SLC38A6: variants seen among roughly 807,000 people sequenced by gnomAD.
SLC38A6 encodes the protein solute carrier family 38 member 6.
SLC38A6 carries 73 observed loss-of-function variants against 65.0 expected under a neutral mutation model. The ratio of observed to expected loss-of-function variants is 1.12; its 90% CI spans 0.93 to 1.37. The LOEUF (loss-of-function observed/expected upper bound fraction) is 1.37, where lower values mean the gene tolerates loss of function less well. Ranked by LOEUF, SLC38A6 falls within the 40% of genes most tolerant of loss-of-function variation. The probability of loss-of-function intolerance (pLI) is 0.00; values close to 1 mark genes in which losing one functional copy is unlikely to be tolerated. For missense variants in SLC38A6, 561 were observed against 531.1 expected, an observed-to-expected ratio of 1.06 and a Z score of -0.55; for synonymous variants, 183 against 178.8, an observed-to-expected ratio of 1.02 and a Z score of -0.19.
At chr14:60,981,407 C>T (rs112283719) in intron 1 of SLC38A6, 25 bp downstream of exon 1, 1 of 1,564,716 alleles carries the variant, frequency 6.4e-7, no homozygotes. Flanking sequence ...TTCGCTTCCC[C>T]GCGCTGACGC....
chr14:61,016,446 A>G (rs2139548316), intron 4 of SLC38A6, among the ~76,000 whole-genome samples: 1 of 152,304 alleles, frequency 6.6e-6, no homozygotes, highest in South Asian at 2.1e-4. Flanking sequence ...TAAGGACCAG[A>G]GAAATTAAGG....
chr14:61,015,164 C>A (rs554956383), intron 3 of SLC38A6, among the ~76,000 whole-genome samples: 1 of 152,324 alleles, frequency 6.6e-6, no homozygotes, highest in African/African-American at 2.4e-5. Flanking sequence ...GCTCCGTGGG[C>A]ATAGGACCCT....
Position 61,051,380 on chromosome 14 carries a change from A to T in SLC38A6, c.1051-407A>T, listed in dbSNP as rs369887369. 2.6e-5 allele frequency among the ~76,000 whole-genome samples: 4 copies of T among 152,300 alleles called. No individual in the cohort carries two copies. In the East Asian group the frequency reaches 7.7e-4, roughly 29 times the overall value. On this transcript the variant is annotated intron_variant, in intron 13 of 15. Coordinates refer to ENST00000267488, the MANE Select transcript of SLC38A6 (RefSeq NM_153811.3). ...TTTTCATATTTACAGGCTGTGAAAC[A>T]TATAAAATAAAATAGTAAGTGGTAT...
At chr14:61,081,998 C>T (rs144486065) in intron 16 of SLC38A6, among the ~76,000 whole-genome samples, 3 of 152,174 alleles carry the variant, frequency 2.0e-5, no homozygotes, top group African/African-American at 7.2e-5. Flanking sequence ...CATGGGAGTG[C>T]ACAGCAGTGC....
At chr14:61,015,415 G>A (rs559213677) in intron 3 of SLC38A6, among the ~76,000 whole-genome samples, 42 of 152,110 alleles carry the variant, frequency 2.8e-4, no homozygotes, top group Non-Finnish European at 5.0e-4. Flanking sequence ...ACACTCCCCA[G>A]TGAGATGAAC....
intron 1 of SLC38A6, 136 bp downstream of exon 1, chr14:60,981,518 T>A: frequency 1.3e-6 from 2 of 1,533,764 alleles, no homozygotes; most frequent in East Asian, 2.5e-5. Flanking sequence ...GGATGGGGTC[T>A]GAAGGCAGCC....
chr14:61,043,288 T>C (rs1212030119), intron 9 of SLC38A6, 76 bp downstream of exon 9: 3 of 1,157,840 alleles, frequency 2.6e-6, no homozygotes, highest in Non-Finnish European at 3.7e-6. Flanking sequence ...AATGATTCTT[T>C]TCTGATTGAT....
intron 10 of SLC38A6, among the ~76,000 whole-genome samples, chr14:61,044,135 T>A (rs1048472406): frequency 6.6e-6 from 1 of 152,160 alleles, no homozygotes; most frequent in East Asian, 1.9e-4. Context: ...CTAGAAGAGC[T>A]CAAAGTCTTC....
intron 3 of SLC38A6, among the ~76,000 whole-genome samples, chr14:61,000,121 A>G (rs779688108): frequency 5.3e-5 from 8 of 152,244 alleles, no homozygotes; most frequent in Admixed American, 1.3e-4. Context: ...TCTTTTCTGC[A>G]TTTACATGGT....
chr14:60,987,724 C>T (rs1181567029), intron 3 of SLC38A6: 2 of 152,338 alleles, frequency 1.3e-5, no homozygotes, highest in Admixed American at 1.3e-4. Context: ...GAATACTTCT[C>T]ATGCTCTGAT....
chr14:61,024,704 C>T (rs533401484), intron 5 of SLC38A6, among the ~76,000 whole-genome samples: 1 of 152,214 alleles, frequency 6.6e-6, no homozygotes, highest in Non-Finnish European at 1.5e-5. Context: ...TGAAGTAAAC[C>T]ATTCAGTAGG....
chr14:61,044,608 T>A (rs1281894803), intron 10 of SLC38A6, among the ~76,000 whole-genome samples: 1 of 152,160 alleles, frequency 6.6e-6, no homozygotes, highest in Non-Finnish European at 1.5e-5. Context: ...GTTAGTTAAG[T>A]GGAAATTTTT....
Position 61,052,531 on chromosome 14 carries a change from A to T in SLC38A6, c.*102A>T. On this transcript the variant is annotated 3_prime_UTR_variant, in exon 16 of 16. Coordinates refer to ENST00000267488, the MANE Select transcript of SLC38A6 (RefSeq NM_153811.3). ...GATGAAAAATAACATTTTAATAAAA[A>T]TTATTAACAGAAAAGCAGAACAAAA... The T allele has an allele frequency of 7.0e-7, 1 of 1,426,092 alleles. No individual in the cohort carries two copies. The highest frequency in any genetic ancestry group is 9.1e-7 in the Non-Finnish European group (1 of 1,095,440). 88.3% of individuals were successfully genotyped at this position (1,426,092 alleles called of 1,614,324 possible). A position where few individuals can be genotyped will look rare whatever the true frequency, so the allele number is the denominator to read the frequency against.
intron 2 of SLC38A6, among the ~76,000 whole-genome samples, chr14:60,983,121 C>T (rs1365470861): frequency 6.6e-6 from 1 of 152,054 alleles, no homozygotes; most frequent in African/African-American, 2.4e-5. Context: ...GCCAGTTTGC[C>T]CAAAATAGAA....
intron 3 of SLC38A6, among the ~76,000 whole-genome samples, chr14:61,007,511 A>G (rs1267052498): frequency 1.3e-5 from 2 of 152,022 alleles, no homozygotes; most frequent in African/African-American, 4.8e-5. Context: ...GTGTATTTGC[A>G]TGTGCCTGTG....
intron 7 of SLC38A6, 108 bp from the exon 8 acceptor site, chr14:61,037,517 C>A: frequency 1.4e-6 from 1 of 724,020 alleles, no homozygotes; most frequent in Admixed American, 2.9e-5. Flanking sequence ...CCCTAAGCCC[C>A]AGATACCAAC....
At position 61,061,817 on chromosome 14, in the gene SLC38A6, G is replaced by A. The variant is rs572599447; in HGVS notation, c.1290+9682G>A. Among the ~76,000 whole-genome samples, 220 of 51,420 alleles carry A rather than the reference G, an allele frequency of 4.3e-3. 2 individuals carry two copies. The East Asian group carries it at 0.053, about 12-fold the overall frequency. 33.7% of individuals were successfully genotyped at this position (51,420 alleles called of 152,430 possible). On this transcript the variant is annotated intron_variant, in intron 15 of 16. Coordinates refer to the SLC38A6 transcript ENST00000354886. Reference sequence around the variant, plus strand: ...AAATAAAGCTGCTCTAAGCATTCGTGTGCAGGTTTTTTTGTTTTGTTTTGT... The same window carrying A: ...AAATAAAGCTGCTCTAAGCATTCGTATGCAGGTTTTTTTGTTTTGTTTTGT...
At chr14:61,020,686 A>T (rs1028693291) in intron 5 of SLC38A6, among the ~76,000 whole-genome samples, 1 of 152,152 alleles carries the variant, frequency 6.6e-6, no homozygotes, top group East Asian at 1.9e-4. Flanking sequence ...TCACAGTAGA[A>T]AGTCAAGAAA....
At position 60,981,275 on chromosome 14, in the gene SLC38A6, A is replaced by G; in HGVS notation, c.-3A>G. 4.4e-6 allele frequency: 7 copies of G among 1,599,526 alleles called. No individual in the cohort carries two copies. Among genetic ancestry groups the G allele is most frequent in the Non-Finnish European group, 5.1e-6 (6 of 1,173,252 alleles). ...TGGAACTGGTAGTCAGCTGGAGAGC[A>G]GCATGGAGGCGTCCTGGGGGAGCTT... On this transcript the variant is annotated 5_prime_UTR_variant, in exon 1 of 16. Coordinates refer to ENST00000267488, the MANE Select transcript of SLC38A6 (RefSeq NM_153811.3).
Sources: gnomAD v4.1 joint callset for allele counts (sites outside exome capture counted in the v4.1 genomes callset) on GRCh38, gnomAD v4.1.1 for gene constraint, MANE v1.5 for transcripts, NCBI Gene and HGNC (gene_info 2026-07-23, HGNC 2026-07-21) for gene names.